Variants in NDST3 observed in about 807,000 individuals in gnomAD.
NDST3 encodes the protein bifunctional heparan sulfate N-deacetylase/N-sulfotransferase 3.
In NDST3, 58 loss-of-function variants were observed where a neutral mutation model predicts 96.1. The ratio of observed to expected loss-of-function variants is 0.60; its 90% confidence interval spans 0.49 to 0.75. NDST3 has a LOEUF of 0.75. Ranked by LOEUF, NDST3 falls within the 30% of genes least tolerant of loss-of-function variation. The pLI is 0.00. For synonymous variants in NDST3, 333 were observed against 359.7 expected (o/e 0.93, Z 0.84); for missense variants, 788 against 1,034.2 (o/e 0.76, Z 3.27).
chr4:118,144,625 T>C lies in NDST3; in HGVS notation c.1539+941T>C, dbSNP rs1733808123. On this transcript the variant is annotated intron_variant, in intron 6 of 13. Coordinates refer to ENST00000296499, the MANE Select transcript of NDST3 (RefSeq NM_004784.3). ...GCATAAGGAAAAGAAGGGATTTTAT[T>C]TCCCTTTTGAAAATCACTATCATAA... 1.3e-5 allele frequency among the ~76,000 whole-genome samples: 2 copies of C among 152,186 alleles called. 1 individual carries two copies. The highest frequency in any genetic ancestry group is 4.1e-4 in the South Asian group (2 of 4,832).
chr4:118,183,502 A>G (rs1046870733), intron 6 of NDST3, among the ~76,000 whole-genome samples: 2 of 152,192 alleles, frequency 1.3e-5, no homozygotes, highest in Non-Finnish European at 2.9e-5. Flanking sequence ...GGGCCCCACC[A>G]TGAATCATCT....
At chr4:118,107,098 A>C (rs71627750) in intron 3 of NDST3, among the ~76,000 whole-genome samples, 114,252 of 151,688 alleles carry the variant, frequency 0.75, 45,647 homozygotes, top group South Asian at 0.92. Context: ...TCAAAATAAT[A>C]ATAATAATAA....
intron 2 of NDST3, among the ~76,000 whole-genome samples, chr4:118,060,080 TG>T (rs939438796): frequency 6.6e-6 from 1 of 152,188 alleles, no homozygotes; most frequent in African/African-American, 2.4e-5. Flanking sequence ...AACACAACCT[TG>T]TTAACTACAT....
chr4:118,160,862 T>C (rs994985831), intron 6 of NDST3, among the ~76,000 whole-genome samples: 1 of 152,132 alleles, frequency 6.6e-6, no homozygotes, highest in African/African-American at 2.4e-5. Context: ...AGCCTTCTTC[T>C]CTCAACTCGT....
At chr4:118,070,647 CTTT>C (rs34525909) in intron 2 of NDST3, among the ~76,000 whole-genome samples, 1 of 128,720 alleles carries the variant, frequency 7.8e-6, no homozygotes, top group African/African-American at 2.7e-5. Context: ...CTCAACCATT[CTTT>C]TTTTTTTTTT....
intron 6 of NDST3, among the ~76,000 whole-genome samples, chr4:118,171,941 A>G (rs1472132069): frequency 6.6e-6 from 1 of 152,168 alleles, no homozygotes; most frequent in Non-Finnish European, 1.5e-5. Context: ...AGGAACATAC[A>G]CACCTCAGTT....
intron 6 of NDST3, among the ~76,000 whole-genome samples, chr4:118,180,054 G>A (rs552043718): frequency 6.6e-6 from 1 of 152,162 alleles, no homozygotes; most frequent in Admixed American, 6.6e-5. Flanking sequence ...GGGGAGTGGA[G>A]GAAGAGGAGA....
intron 2 of NDST3, among the ~76,000 whole-genome samples, chr4:118,094,295 C>T (rs1729119869): frequency 6.6e-6 from 1 of 151,888 alleles, no homozygotes; most frequent in Non-Finnish European, 1.5e-5. Context: ...TTTCCCCCAA[C>T]TTGCATCCAA....
chr4:118,097,012 G>C (rs1439476595), intron 2 of NDST3, among the ~76,000 whole-genome samples: 2 of 151,910 alleles, frequency 1.3e-5, no homozygotes, highest in African/African-American at 4.8e-5. Flanking sequence ...CAGTCTTTTT[G>C]TTCTACTTAA....
At chr4:118,081,044 T>C (rs1727967500) in intron 2 of NDST3, among the ~76,000 whole-genome samples, 1 of 152,222 alleles carries the variant, frequency 6.6e-6, no homozygotes, top group Admixed American at 6.5e-5. Context: ...ATATAAGTTG[T>C]GAAGCCAGAA....
intron 6 of NDST3, among the ~76,000 whole-genome samples, chr4:118,171,963 T>G (rs1258038705): frequency 1.3e-5 from 2 of 152,194 alleles, no homozygotes; most frequent in Non-Finnish European, 2.9e-5. Flanking sequence ...TCTTGCTGAT[T>G]CTACTCTGTG....
chr4:118,177,676 C>A (rs1333156577), intron 6 of NDST3, among the ~76,000 whole-genome samples: 1 of 151,896 alleles, frequency 6.6e-6, no homozygotes, highest in Non-Finnish European at 1.5e-5. Flanking sequence ...TCCTGGGTTT[C>A]AGATCATGAT....
At chr4:118,141,815 C>A (rs942986012) in intron 5 of NDST3, among the ~76,000 whole-genome samples, 1 of 151,898 alleles carries the variant, frequency 6.6e-6, no homozygotes. Flanking sequence ...ATATATCTTT[C>A]TGTTCTCTCA....
chr4:118,147,940 A>G (rs1192896838), intron 6 of NDST3, among the ~76,000 whole-genome samples: 2 of 152,170 alleles, frequency 1.3e-5, no homozygotes, highest in Admixed American at 6.5e-5. Context: ...TCCCTTCAAC[A>G]TGCTTGATAA....
intron 2 of NDST3, among the ~76,000 whole-genome samples, chr4:118,078,027 G>C (rs1727699834): frequency 6.6e-6 from 1 of 152,210 alleles, no homozygotes; most frequent in Admixed American, 6.5e-5. Context: ...CTGTGCCTCA[G>C]TTTAGAAGTG....
chr4:118,176,616 A>G (rs1419334649), intron 6 of NDST3, among the ~76,000 whole-genome samples: 1 of 152,122 alleles, frequency 6.6e-6, no homozygotes, highest in African/African-American at 2.4e-5. Context: ...ATAATGATAT[A>G]GAGAAATAAT....
intron 6 of NDST3, among the ~76,000 whole-genome samples, chr4:118,211,547 T>G (rs1738798398): frequency 6.6e-6 from 1 of 152,204 alleles, no homozygotes; most frequent in Non-Finnish European, 1.5e-5. Context: ...TTCAAACTTT[T>G]GAAATTTGGG....
intron 6 of NDST3, among the ~76,000 whole-genome samples, chr4:118,181,639 TAA>T (rs997555172): frequency 1.3e-5 from 2 of 152,146 alleles, no homozygotes; most frequent in African/African-American, 4.8e-5. Context: ...AGAGCTCTTT[TAA>T]ATATCTTTTC....
At chr4:118,194,835 T>C (rs1210767666) in intron 6 of NDST3, 4 of 334,126 alleles carry the variant, frequency 1.2e-5, no homozygotes, top group Admixed American at 8.6e-5. Flanking sequence ...CTTCAGGGTG[T>C]GCAGGAGGCC....
Sources: allele counts gnomAD v4.1 joint callset (sites outside exome capture counted in the v4.1 genomes callset), GRCh38; gene constraint gnomAD v4.1.1; transcripts MANE v1.5; gene names NCBI Gene and HGNC (gene_info 2026-07-23, HGNC 2026-07-21).